Variants in EXT1 observed in about 807,000 individuals in gnomAD.
EXT1 encodes exostosin-1.
In EXT1, 20 loss-of-function variants were observed where a neutral mutation model predicts 82.5. The observed-to-expected ratio is 0.24, with a 90% confidence interval of 0.17 to 0.35. The LOEUF (loss-of-function observed/expected upper bound fraction) is 0.35. Ranked by LOEUF, EXT1 falls within the 10% of genes least tolerant of loss-of-function variation. The pLI is 1.00. For missense variants in EXT1, 757 were observed against 936.5 expected (o/e 0.81, Z 2.50); for synonymous variants, 348 against 350.8 (o/e 0.99, Z 0.09).
At position 118,006,512 on chromosome 8, in the gene EXT1, T is replaced by C. The variant is rs569260206; in HGVS notation, c.962+103573A>G. 3.0e-4 allele frequency among the ~76,000 whole-genome samples: 46 copies of C among 152,242 alleles called. No individual in the cohort carries two copies. The South Asian group carries it at 9.3e-3, about 31-fold the overall frequency. On this transcript the variant is annotated intron_variant, in intron 1 of 10. Coordinates refer to ENST00000378204, the MANE Select transcript of EXT1 (RefSeq NM_000127.3). The stretch of plus-strand genomic sequence containing the variant: ...CATCTGTGAAATGCCTATAATACTC[T>C]ACCTATCTCTAGGAATGCCTTGAAG...
At chr8:117,929,754 C>A (rs1814016296) in intron 1 of EXT1, among the ~76,000 whole-genome samples, 1 of 152,220 alleles carries the variant, frequency 6.6e-6, no homozygotes, top group Admixed American at 6.5e-5. Context: ...GCATGGATAT[C>A]TATCCGTATA....
intron 1 of EXT1, among the ~76,000 whole-genome samples, chr8:118,073,630 G>C (rs1817140235): frequency 8.1e-6 from 1 of 123,444 alleles, no homozygotes; most frequent in Non-Finnish European, 1.6e-5. Flanking sequence ...GAAGAGAAGA[G>C]AAAGAAGAGA....
chr8:118,018,135 C>CA (rs1447264715), intron 1 of EXT1, among the ~76,000 whole-genome samples: 1 of 152,158 alleles, frequency 6.6e-6, no homozygotes, highest in Non-Finnish European at 1.5e-5. Context: ...GTGTCCTCTG[C>CA]AAAATTCATA....
intron 1 of EXT1, among the ~76,000 whole-genome samples, chr8:118,050,531 A>G (rs1017840703): frequency 1.3e-5 from 2 of 152,146 alleles, no homozygotes; most frequent in Non-Finnish European, 2.9e-5. Context: ...GTAGAGTCAG[A>G]GAGTAAACGT....
rs1486571115 is a variant in EXT1, at chr8:118,100,346, C to G, written c.962+9739G>C. On this transcript the variant is annotated intron_variant, in intron 1 of 10. Coordinates refer to ENST00000378204, the MANE Select transcript of EXT1 (RefSeq NM_000127.3). ...AAGGTAGCCCAAATGATTTTCGGCT[C>G]TTTGCAACATAAGGGCCTGCTGAAC... is the stretch of plus-strand genomic sequence containing the variant. Among the ~76,000 whole-genome samples the G allele has an allele frequency of 2.6e-4, 40 of 152,176 alleles. 1 individual carries two copies. Among genetic ancestry groups the G allele is most frequent in the Admixed American group, 2.6e-3 (40 of 15,276 alleles).
intron 1 of EXT1, among the ~76,000 whole-genome samples, chr8:118,050,792 C>A (rs1816704977): frequency 6.6e-6 from 1 of 150,500 alleles, no homozygotes; most frequent in Admixed American, 6.6e-5. Flanking sequence ...TTTGCCACAC[C>A]AGGTCTACAC....
chr8:117,898,772 A>G (rs1284946398), intron 1 of EXT1, among the ~76,000 whole-genome samples: 12 of 152,166 alleles, frequency 7.9e-5, no homozygotes, highest in Admixed American at 7.9e-4. Flanking sequence ...TCTTGCAGCA[A>G]TGTATTTATG....
rs201504622 is a variant in EXT1, at chr8:117,822,522, C to G, written c.1360G>C (p.Val454Leu). The G allele has an allele frequency of 3.1e-6, 5 of 1,613,266 alleles. No homozygotes were observed. The South Asian group carries it at 3.3e-5, about 11-fold the overall frequency. The change falls in exon 5 of 11, where the codon GTA (valine) becomes CTA (leucine). Residue 454 changes from valine (V) to leucine (L), a missense_variant. Transcript: ENST00000378204. ...IWNKHPGGLF[V>L]LPQYSSYLGD... Reference sequence around the variant, plus strand: ...AGATAAGATGAATACTGTGGTAGTACGAACAATCCTCCAGGATGTTTGTTC... The same window carrying G: ...AGATAAGATGAATACTGTGGTAGTAGGAACAATCCTCCAGGATGTTTGTTC...
At chr8:117,869,202 C>T (rs931382556) in intron 1 of EXT1, among the ~76,000 whole-genome samples, 2 of 152,204 alleles carry the variant, frequency 1.3e-5, no homozygotes, top group Non-Finnish European at 2.9e-5. Context: ...CCAAGCCTGC[C>T]TCCATATCCA....
chr8:117,965,993 T>C (rs557606927), intron 1 of EXT1, among the ~76,000 whole-genome samples: 91 of 150,594 alleles, frequency 6.0e-4, no homozygotes, highest in South Asian at 1.0e-3. Context: ...TACATGCATA[T>C]ACACACACAC....
intron 1 of EXT1, among the ~76,000 whole-genome samples, chr8:118,105,320 A>T (rs1817788655): frequency 6.6e-6 from 1 of 152,196 alleles, no homozygotes; most frequent in Non-Finnish European, 1.5e-5. Context: ...AGTCAGGGTG[A>T]CCAAAGGTGG....
intron 1 of EXT1, among the ~76,000 whole-genome samples, chr8:118,051,372 T>A (rs1192288000): frequency 6.6e-6 from 1 of 152,120 alleles, no homozygotes; most frequent in South Asian, 2.1e-4. Flanking sequence ...TTTGAGTAAA[T>A]TCAGTTTACA....
chr8:117,887,601 T>A (rs943502027), intron 1 of EXT1, among the ~76,000 whole-genome samples: 3 of 152,026 alleles, frequency 2.0e-5, no homozygotes, highest in African/African-American at 7.2e-5. Context: ...CTGCCCAGCT[T>A]GGTCTCCCAA....
At chr8:117,867,548 A>C (rs911116459) in intron 1 of EXT1, among the ~76,000 whole-genome samples, 2 of 152,238 alleles carry the variant, frequency 1.3e-5, no homozygotes, top group Admixed American at 6.5e-5. Flanking sequence ...TCCACCAAAC[A>C]GCAAATGGTC....
rs186109515 is a variant in EXT1 at position 117,889,995 on chromosome 8, A to G, written c.963-52794T>C. 2.0e-5 allele frequency among the ~76,000 whole-genome samples: 3 copies of G among 152,328 alleles called. No individual in the cohort carries two copies. In the East Asian group the frequency reaches 5.8e-4, roughly 29 times the overall value. On this transcript the variant is annotated intron_variant, in intron 1 of 10. Transcript: ENST00000378204. ...CAAAACCACTTAGAATAGCTTTCAG[A>G]AAACATATGATCAAAATGCATGAAA...
chr8:117,842,151 T>A (rs1457323072), intron 1 of EXT1, among the ~76,000 whole-genome samples: 1 of 152,194 alleles, frequency 6.6e-6, no homozygotes, highest in Non-Finnish European at 1.5e-5. Context: ...AATTAAAAGC[T>A]TAGTGGTTAG....
In EXT1 at chr8:117,809,634, CAA is replaced by C. The variant is rs35543306; in HGVS notation, c.1723-2259_1723-2258del. Among the ~76,000 whole-genome samples, 416 of 133,610 alleles carry C rather than the reference CAA, an allele frequency of 3.1e-3. 1 individual carries two copies. Among genetic ancestry groups the C allele is most frequent in the Admixed American group, 3.7e-3 (51 of 13,696 alleles). The allele number at this position is 133,610 out of a possible 152,430, so 87.7% of individuals were successfully genotyped here. On this transcript the variant is annotated intron_variant, in intron 8 of 10. Transcript: ENST00000378204. ...CGTGGGCGGCAGAGTGAGACTCCGT[CAA>C]AAAAAAAAAAAAAATCCAGAGCGGG...
At chr8:117,848,034 C>T (rs925242281) in intron 1 of EXT1, among the ~76,000 whole-genome samples, 3 of 152,036 alleles carry the variant, frequency 2.0e-5, no homozygotes, top group African/African-American at 7.2e-5. Context: ...CCTTTGGTAC[C>T]GAATACACAA....
At chr8:117,940,470 G>T (rs1051791956) in intron 1 of EXT1, among the ~76,000 whole-genome samples, 1 of 152,200 alleles carries the variant, frequency 6.6e-6, no homozygotes. Context: ...CATCAAGGAA[G>T]GATGTTACAG....
Sources: gnomAD v4.1 joint callset for allele counts (sites outside exome capture counted in the v4.1 genomes callset) on GRCh38, gnomAD v4.1.1 for gene constraint, MANE v1.5 for transcripts, NCBI Gene and HGNC (gene_info 2026-07-23, HGNC 2026-07-21) for gene names.